Variants in SCRN3 observed in about 807,000 individuals in gnomAD.
SCRN3 encodes secernin 3.
In SCRN3, 39 loss-of-function variants were observed where a neutral mutation model predicts 43.1. That is an observed-to-expected ratio of 0.91 (90% CI 0.70 to 1.18). SCRN3 has a LOEUF of 1.18. Ranked by LOEUF, SCRN3 falls within the 50% of genes most tolerant of loss-of-function variation. SCRN3 has a pLI of 0.00. For synonymous variants in SCRN3, 147 were observed against 163.1 expected (o/e 0.90, Z 0.75); for missense variants, 484 against 498.0 (o/e 0.97, Z 0.27).
At chr2:174,406,783 C>A (rs904030444) in intron 5 of SCRN3, among the ~76,000 whole-genome samples, 4 of 132,742 alleles carry the variant, frequency 3.0e-5, no homozygotes, top group African/African-American at 1.0e-4. Flanking sequence ...GTATATTGAA[C>A]CAGCCTTGCA....
intron 5 of SCRN3, among the ~76,000 whole-genome samples, chr2:174,411,693 G>A (rs921590554): frequency 4.6e-5 from 7 of 152,146 alleles, no homozygotes; most frequent in Non-Finnish European, 8.8e-5. Context: ...AGGCCAAGGA[G>A]GGCAGTTCAT....
At chr2:174,418,717 T>A (rs1484590320) in intron 5 of SCRN3, among the ~76,000 whole-genome samples, 4 of 152,328 alleles carry the variant, frequency 2.6e-5, no homozygotes, top group South Asian at 2.1e-4. Flanking sequence ...TTTATAGGAA[T>A]TTGGATTTGA....
At chr2:174,425,284 A>G (rs1686442821) in intron 7 of SCRN3, among the ~76,000 whole-genome samples, 1 of 152,176 alleles carries the variant, frequency 6.6e-6, no homozygotes, top group Non-Finnish European at 1.5e-5. Flanking sequence ...GTATAGATAG[A>G]TAGGTCATTT....
At chr2:174,402,559 G>A (rs1481113239) in intron 4 of SCRN3, among the ~76,000 whole-genome samples, 1 of 152,080 alleles carries the variant, frequency 6.6e-6, no homozygotes, top group East Asian at 1.9e-4. Flanking sequence ...GTGGTGGTGT[G>A]TACCTATAGT....
At chr2:174,396,453 C>T (rs1685314649) in intron 1 of SCRN3, among the ~76,000 whole-genome samples, 1 of 152,146 alleles carries the variant, frequency 6.6e-6, no homozygotes, top group Non-Finnish European at 1.5e-5. Context: ...GACGTGGCTG[C>T]TACTGCAGCA....
At chr2:174,411,483 T>A (rs1685914279) in intron 5 of SCRN3, among the ~76,000 whole-genome samples, 1 of 152,238 alleles carries the variant, frequency 6.6e-6, no homozygotes, top group Non-Finnish European at 1.5e-5. Flanking sequence ...AATCTGCTGT[T>A]AATCTCATCT....
rs1374858500 is a variant in SCRN3 at position 174,400,137 on chromosome 2, T to G, written c.341+34T>G. On this transcript the variant is annotated intron_variant, in intron 3 of 7. Coordinates refer to ENST00000272732, the MANE Select transcript of SCRN3 (RefSeq NM_024583.5). ...TTGTTACATTTTATACTACAGACCTTGTCTAAATTTATAATTTTTGTGTAA... is the reference window on the plus strand; with the variant it reads ...TTGTTACATTTTATACTACAGACCTGGTCTAAATTTATAATTTTTGTGTAA... The G allele has an allele frequency of 2.1e-6, 3 of 1,399,912 alleles. No homozygotes were observed. In the African/African-American group the frequency reaches 4.6e-5, roughly 21 times the overall value. 86.7% of individuals were successfully genotyped at this position (1,399,912 alleles called of 1,614,324 possible). A position where few individuals can be genotyped will look rare whatever the true frequency, so the allele number is the denominator to read the frequency against.
chr2:174,412,584 A>G (rs1458341196), intron 5 of SCRN3, among the ~76,000 whole-genome samples: 8 of 152,274 alleles, frequency 5.3e-5, no homozygotes, highest in Middle Eastern at 3.4e-3. Context: ...TTGGCTTCAG[A>G]GGCAGACCCA....
At position 174,398,267 on chromosome 2, in the gene SCRN3, AT is replaced by A; in HGVS notation, c.-9-3del. ...CTTTTTATTTTAAAACATCTGTATA[AT>A]TTTTAGTTAAAAAAAATGGAACCTT... On this transcript the variant is annotated splice_region_variant and splice_polypyrimidine_tract_variant and intron_variant, in intron 1 of 7. Coordinates refer to ENST00000272732, the MANE Select transcript of SCRN3 (RefSeq NM_024583.5). The A allele has an allele frequency of 6.5e-7, 1 of 1,535,578 alleles. No homozygotes were observed. The highest frequency in any genetic ancestry group is 8.8e-7 in the Non-Finnish European group (1 of 1,141,086).
intron 4 of SCRN3, among the ~76,000 whole-genome samples, 160 bp from the exon 5 acceptor site, chr2:174,403,943 A>G (rs1011896827): frequency 6.6e-6 from 1 of 152,190 alleles, no homozygotes; most frequent in Non-Finnish European, 1.5e-5. Flanking sequence ...TTTAAAAGTA[A>G]TTCATTTATC....
chr2:174,410,043 T>C (rs372502823), intron 5 of SCRN3: 102 of 160,130 alleles, frequency 6.4e-4, no homozygotes, highest in Admixed American at 1.6e-3. Flanking sequence ...CAATGGCGGG[T>C]GCCCCTCCCC....
chr2:174,399,961 G>A lies in SCRN3; in HGVS notation c.199G>A (p.Ala67Thr). 2 of 1,544,910 alleles carry A rather than the reference G, an allele frequency of 1.3e-6. No homozygotes were observed. The highest frequency in any genetic ancestry group is 2.5e-5 in the South Asian group (2 of 81,290). The change falls in exon 3 of 8, where the codon GCT (alanine) becomes ACT (threonine). Residue 67 changes from alanine to threonine, a missense_variant. By Grantham distance (58) the Ala-to-Thr change is moderately conservative. Transcript: ENST00000272732. ...IEIDQVPETY[A>T]VVLSRPAWLW... Reference sequence around the variant, plus strand: ...AATTGATCAAGTTCCTGAAACATATGCTGTTGTCCTGAGTCGCCCAGCGTG... The same window carrying A: ...AATTGATCAAGTTCCTGAAACATATACTGTTGTCCTGAGTCGCCCAGCGTG...
chr2:174,423,099 G>A, intron 6 of SCRN3, 52 bp downstream of exon 6: 2 of 1,422,614 alleles, frequency 1.4e-6, no homozygotes, highest in Non-Finnish European at 1.9e-6. Context: ...ATGGAGTAGA[G>A]TCATTAGTAT....
intron 5 of SCRN3, among the ~76,000 whole-genome samples, chr2:174,421,617 G>A (rs951961884): frequency 2.6e-5 from 4 of 152,166 alleles, no homozygotes; most frequent in African/African-American, 9.7e-5. Context: ...TAGATGGCAT[G>A]GCAGCCTGGG....
chr2:174,425,281 T>A (rs1381734790), intron 7 of SCRN3, among the ~76,000 whole-genome samples: 1 of 152,182 alleles, frequency 6.6e-6, no homozygotes, highest in African/African-American at 2.4e-5. Flanking sequence ...CTGGTATAGA[T>A]AGATAGGTCA....
Position 174,412,971 on chromosome 2 carries a change from C to T in SCRN3, c.754+8656C>T, listed in dbSNP as rs549640284. Among the ~76,000 whole-genome samples, 19 of 148,724 alleles carry T rather than the reference C, an allele frequency of 1.3e-4. No individual in the cohort carries two copies. The South Asian group carries it at 3.4e-3, about 27-fold the overall frequency. ...CAACCTCTGCCTCCCCGGGTTCAAG[C>T]GATTCTCCTGCCTCAGACTCCCTAG... On this transcript the variant is annotated intron_variant, in intron 5 of 7. Transcript: ENST00000272732.
rs1027179720 is a variant in SCRN3, at chr2:174,395,774, T to G, written c.-53T>G. The G allele has an allele frequency of 5.7e-6, 9 of 1,571,730 alleles. No individual in the cohort carries two copies. The highest frequency in any genetic ancestry group is 6.9e-6 in the Non-Finnish European group (8 of 1,157,634). The stretch of plus-strand genomic sequence containing the variant: ...GGCAACTGATGCCTCCACTGGCCAC[T>G]CCTCCCTCCGTCCACCTGTCACTTC... On this transcript the variant is annotated 5_prime_UTR_variant, in exon 1 of 8. Coordinates refer to ENST00000272732, the MANE Select transcript of SCRN3 (RefSeq NM_024583.5).
rs746256362 is a variant in SCRN3, at chr2:174,427,781, A to T, written c.1161A>T (p.Ser387=). The change falls in exon 8 of 8, where the codon TCA becomes TCT. Residue 387 remains serine (S), a synonymous_variant. Coordinates refer to ENST00000272732, the MANE Select transcript of SCRN3 (RefSeq NM_024583.5). ...LEKELFREME[S]ILQNKHLDVE... The stretch of plus-strand genomic sequence containing the variant: ...AAGAACTATTCAGAGAGATGGAATC[A>T]ATCCTTCAAAACAAGCATCTTGATG... The T allele has an allele frequency of 2.5e-6, 4 of 1,612,582 alleles. No homozygotes were observed. Among genetic ancestry groups the T allele is most frequent in the Non-Finnish European group, 3.4e-6 (4 of 1,178,830 alleles).
intron 3 of SCRN3, among the ~76,000 whole-genome samples, chr2:174,400,682 C>T (rs919983046): frequency 6.6e-6 from 1 of 152,160 alleles, no homozygotes; most frequent in Non-Finnish European, 1.5e-5. Flanking sequence ...CACACCTTAA[C>T]TAATTCTCAC....
Sources: gnomAD v4.1 joint callset for allele counts (sites outside exome capture counted in the v4.1 genomes callset) on GRCh38, gnomAD v4.1.1 for gene constraint, MANE v1.5 for transcripts, NCBI Gene and HGNC (gene_info 2026-07-23, HGNC 2026-07-21) for gene names.